The following CAPN14 variants were observed in gnomAD, a reference collection of about 807,000 sequenced individuals.
CAPN14 encodes the protein calpain-14.
In CAPN14, 94 loss-of-function variants were observed where a neutral mutation model predicts 101.3. The ratio of observed to expected loss-of-function variants is 0.93; its 90% confidence interval spans 0.79 to 1.10. The LOEUF is 1.10. CAPN14 is among the 50% of genes least tolerant of loss of function. The pLI is 0.00. For missense variants in CAPN14, 837 were observed against 828.4 expected (o/e 1.01, Z -0.13); for synonymous variants, 338 against 317.9 (o/e 1.06, Z -0.67).
chr2:31,183,363 G>C (rs546472810), intron 16 of CAPN14, among the ~76,000 whole-genome samples: 1 of 152,160 alleles, frequency 6.6e-6, no homozygotes, highest in Non-Finnish European at 1.5e-5. Context: ...AAGAGCTTCT[G>C]CACAGCAAAA....
intron 13 of CAPN14, 37 bp from the exon 14 acceptor site, chr2:31,188,391 CT>C: frequency 6.5e-7 from 1 of 1,549,614 alleles, no homozygotes; most frequent in South Asian, 1.2e-5. Context: ...TCAGAGTTTC[CT>C]CTTGGGAATT....
intron 1 of CAPN14, among the ~76,000 whole-genome samples, chr2:31,209,775 G>A (rs578143424): frequency 2.6e-5 from 4 of 152,114 alleles, no homozygotes; most frequent in Admixed American, 6.5e-5. Context: ...CTCTTCTCAA[G>A]TCTGTATTCC....
At chr2:31,189,780 T>C (rs1562021) in intron 12 of CAPN14, 117,068 of 491,410 alleles carry the variant, frequency 0.24, 16,968 homozygotes, top group African/African-American at 0.49. Context: ...TTCCATTTTA[T>C]GGCTGAGGGC....
At chr2:31,208,765 T>C (rs548297948) in intron 1 of CAPN14, among the ~76,000 whole-genome samples, 3 of 152,274 alleles carry the variant, frequency 2.0e-5, no homozygotes, top group Admixed American at 1.3e-4. Context: ...TAGGTCACAT[T>C]TGGAAATTCA....
chr2:31,194,324 C>A, intron 9 of CAPN14, 85 bp downstream of exon 9: 4 of 974,448 alleles, frequency 4.1e-6, no homozygotes, highest in Non-Finnish European at 6.4e-6. Context: ...AAGTTCCTGG[C>A]ACCCATAAGG....
intron 2 of CAPN14, 68 bp from the exon 3 acceptor site, chr2:31,203,207 C>T (rs1262219563): frequency 2.3e-5 from 30 of 1,284,232 alleles, no homozygotes; most frequent in Admixed American, 4.0e-5. Flanking sequence ...ACAGTGACCA[C>T]GTTTTCCCAT....
chr2:31,201,197 ATG>A (rs374860700), intron 5 of CAPN14, among the ~76,000 whole-genome samples: 66 of 131,052 alleles, frequency 5.0e-4, no homozygotes, highest in Middle Eastern at 7.2e-3. Context: ...GTGTGTGTGC[ATG>A]TGTGTGTGTG....
rs948119685 is a variant in CAPN14 at position 31,194,550 on chromosome 2, A to G, written c.876-67T>C. 34 of 1,007,908 alleles carry G rather than the reference A, an allele frequency of 3.4e-5. 1 individual carries two copies. In the Middle Eastern group the frequency reaches 6.1e-4, roughly 18 times the overall value. 62.4% of individuals were successfully genotyped at this position (1,007,908 alleles called of 1,614,324 possible). ...CTAGAAATTCTTTAGTAAAGGCTCT[A>G]TAGTGTCATTATTTATTATTATTTT... On this transcript the variant is annotated intron_variant, in intron 8 of 21. Coordinates refer to ENST00000403897, the MANE Select transcript of CAPN14 (RefSeq NM_001145122.2).
chr2:31,190,467 T>C (rs530427349), intron 12 of CAPN14, among the ~76,000 whole-genome samples: 33 of 152,310 alleles, frequency 2.2e-4, no homozygotes, highest in African/African-American at 7.7e-4. Flanking sequence ...CAGAGCTAAA[T>C]TGCATAATGA....
intron 17 of CAPN14, among the ~76,000 whole-genome samples, 170 bp from the exon 18 acceptor site, chr2:31,178,749 G>C (rs1680438670): frequency 6.6e-6 from 1 of 152,036 alleles, no homozygotes; most frequent in African/African-American, 2.4e-5. Context: ...CCAGCCCAGG[G>C]CTCCCTCACT....
intron 20 of CAPN14, 49 bp from the exon 21 acceptor site, chr2:31,176,691 CATT>C (rs756419298): frequency 8.6e-5 from 127 of 1,474,048 alleles, no homozygotes; most frequent in Admixed American, 3.1e-4. Context: ...CTATTGGAAA[CATT>C]ATGAATTAGT....
At chr2:31,209,516 T>A (rs1164795695) in intron 1 of CAPN14, among the ~76,000 whole-genome samples, 1 of 152,174 alleles carries the variant, frequency 6.6e-6, no homozygotes, top group Non-Finnish European at 1.5e-5. Context: ...CACCTGGGGA[T>A]ACACCAGCCA....
At chr2:31,212,190 A>G (rs1682435251) in intron 1 of CAPN14, among the ~76,000 whole-genome samples, 1 of 152,004 alleles carries the variant, frequency 6.6e-6, no homozygotes, top group African/African-American at 2.4e-5. Context: ...GGCGCCCGTA[A>G]TCCCAGCTAC....
Position 31,230,901 on chromosome 2 carries a change from T to G in CAPN14, c.-177+2890A>C, listed in dbSNP as rs113505872. On this transcript the variant is annotated intron_variant and NMD_transcript_variant, in intron 1 of 21. Transcript: ENST00000398824. The surrounding 1 kb of genome is among the most constrained non-coding windows in gnomAD (Gnocchi z 4.3). ...GTTTAAAGAACTCTTCCTGACTTTG[T>G]GGTGATATATATGCAATCTCTATTG... Among the ~76,000 whole-genome samples the G allele has an allele frequency of 3.4e-3, 524 of 152,320 alleles. 2 individuals are homozygous for G. The highest frequency in any genetic ancestry group is 0.012 in the African/African-American group (497 of 41,570).
At chr2:31,217,986 C>G (rs77153258), upstream of CAPN14, among the ~76,000 whole-genome samples, 1,449 of 152,250 alleles carry the variant, frequency 9.5e-3, 23 homozygotes, top group African/African-American at 0.031. Flanking sequence ...TGAGGCAGCC[C>G]TCAGGGATGT....
chr2:31,227,915 T>A (rs754087310), intron 1 of CAPN14, among the ~76,000 whole-genome samples: 5 of 152,206 alleles, frequency 3.3e-5, no homozygotes, highest in South Asian at 2.1e-4. Flanking sequence ...GGGCACAGCC[T>A]TCTTATGGGA....
chr2:31,224,622 T>C (rs1205555436), intron 2 of CAPN14, among the ~76,000 whole-genome samples: 1 of 152,018 alleles, frequency 6.6e-6, no homozygotes, highest in Admixed American at 6.6e-5. Flanking sequence ...AGAAAAGCAC[T>C]GGTTGATAAT....
At chr2:31,203,192 G>A (rs996454338) in intron 2 of CAPN14, 53 bp from the exon 3 acceptor site, 1 of 1,449,586 alleles carries the variant, frequency 6.9e-7, no homozygotes, top group African/African-American at 1.4e-5. Flanking sequence ...AAAGCTCCTG[G>A]AGCTACAGTG....
intron 3 of CAPN14, 138 bp downstream of exon 3, chr2:31,202,932 G>C: frequency 1.5e-6 from 1 of 661,646 alleles, no homozygotes; most frequent in South Asian, 1.9e-5. Flanking sequence ...TCCAGGTAGC[G>C]TTTTGCCAGT....
Sources: gnomAD v4.1 joint callset for allele counts (sites outside exome capture counted in the v4.1 genomes callset) on GRCh38, gnomAD v4.1.1 for gene constraint, Gnocchi (gnomAD v3.1) non-coding constraint, MANE v1.5 for transcripts, NCBI Gene and HGNC (gene_info 2026-07-23, HGNC 2026-07-21) for gene names.